The following DGKB variants were observed in gnomAD, a reference collection of about 807,000 sequenced individuals.
DGKB encodes the protein 90 kDa diacylglycerol kinase.
DGKB carries 67 observed loss-of-function variants against 114.3 expected under a neutral mutation model. That is an observed-to-expected ratio of 0.59 (90% CI 0.48 to 0.72). The LOEUF (loss-of-function observed/expected upper bound fraction) is 0.72. Among genes scored for constraint, DGKB ranks in the 30% least tolerant of loss-of-function variants. The pLI is 0.00. For synonymous variants in DGKB, 398 were observed against 323.1 expected (o/e 1.23, Z -2.49); for missense variants, 907 against 975.2 (o/e 0.93, Z 0.93).
At chr7:14,915,715 G>A (rs569406433) in intron 1 of DGKB, among the ~76,000 whole-genome samples, 9 of 152,214 alleles carry the variant, frequency 5.9e-5, no homozygotes, top group African/African-American at 1.9e-4. Context: ...TCTATATCCA[G>A]TAAAATTATC....
intron 21 of DGKB, among the ~76,000 whole-genome samples, chr7:14,428,519 G>A (rs1410820333): frequency 2.6e-5 from 4 of 152,000 alleles, no homozygotes; most frequent in East Asian, 1.9e-4. Context: ...TTTTCTTGTT[G>A]CTTTTCTCAG....
At chr7:14,295,316 A>C (rs1584983873) in intron 23 of DGKB, among the ~76,000 whole-genome samples, 1 of 152,284 alleles carries the variant, frequency 6.6e-6, no homozygotes, top group African/African-American at 2.4e-5. Context: ...TTCAATCTCA[A>C]ATAAATGTTT....
chr7:14,695,946 AT>A (rs1289161079), intron 8 of DGKB, among the ~76,000 whole-genome samples: 1 of 152,160 alleles, frequency 6.6e-6, no homozygotes. Context: ...ACTTTGTACC[AT>A]TTCAGCTCCC....
At chr7:14,696,412 G>C (rs1472654039) in intron 8 of DGKB, among the ~76,000 whole-genome samples, 1 of 149,228 alleles carries the variant, frequency 6.7e-6, no homozygotes, top group African/African-American at 2.4e-5. Context: ...GGAGAATGGA[G>C]TGAACCCGGG....
At chr7:14,670,398 G>A (rs902189597) in intron 13 of DGKB, among the ~76,000 whole-genome samples, 1 of 151,806 alleles carries the variant, frequency 6.6e-6, no homozygotes, top group Admixed American at 6.6e-5. Context: ...CGCCTCCAGG[G>A]TTCAAGCGAT....
intron 21 of DGKB, among the ~76,000 whole-genome samples, chr7:14,470,678 A>G (rs1160705984): frequency 1.3e-5 from 2 of 151,840 alleles, no homozygotes; most frequent in Non-Finnish European, 3.0e-5. Flanking sequence ...TCTATTTGCT[A>G]TGTCATACCT....
chr7:14,764,383 A>G (rs548228811), intron 2 of DGKB, among the ~76,000 whole-genome samples: 1 of 151,958 alleles, frequency 6.6e-6, no homozygotes, highest in African/African-American at 2.4e-5. Context: ...TACATTTCAT[A>G]AAGTTTCCCT....
chr7:14,890,453 T>C (rs1015101642), intron 1 of DGKB, among the ~76,000 whole-genome samples: 1 of 151,458 alleles, frequency 6.6e-6, no homozygotes, highest in Non-Finnish European at 1.5e-5. Context: ...AGATAATATT[T>C]ACTTCCATGG....
chr7:14,296,493 G>A (rs755138247), intron 23 of DGKB, among the ~76,000 whole-genome samples: 2 of 152,130 alleles, frequency 1.3e-5, no homozygotes, highest in Admixed American at 6.6e-5. Context: ...ATAGTAGAAC[G>A]ATTTATAATC....
At chr7:14,488,029 A>T (rs990577353) in intron 20 of DGKB, among the ~76,000 whole-genome samples, 1 of 152,190 alleles carries the variant, frequency 6.6e-6, no homozygotes, top group Non-Finnish European at 1.5e-5. Context: ...GCAAATGTAC[A>T]AATGATTACT....
At chr7:14,731,407 T>A (rs1382414048) in intron 5 of DGKB, among the ~76,000 whole-genome samples, 1 of 152,096 alleles carries the variant, frequency 6.6e-6, no homozygotes, top group African/African-American at 2.4e-5. Flanking sequence ...AAAAAAGTCA[T>A]GTGTTGAAAT....
rs1317491866 is a variant in DGKB at position 14,784,159 on chromosome 7, T to TA, written c.71-26429dup. ...TTATGATATATATTGCCTTTTTTTTTACTACAATCTACTGATGTATCCTTT... is the reference window on the plus strand; with the variant it reads ...TTATGATATATATTGCCTTTTTTTTTAACTACAATCTACTGATGTATCCTTT... On this transcript the variant is annotated intron_variant, in intron 2 of 25. Transcript: ENST00000402815. 9.2e-5 allele frequency among the ~76,000 whole-genome samples: 14 copies of TA among 152,234 alleles called. No homozygotes were observed. In the East Asian group the frequency reaches 2.1e-3, roughly 23 times the overall value.
rs149293787 is a variant in DGKB, at chr7:14,798,185, G to C, written c.71-40454C>G. Among the ~76,000 whole-genome samples, 9 of 152,286 alleles carry C rather than the reference G, an allele frequency of 5.9e-5. No individual in the cohort carries two copies. In the East Asian group the frequency reaches 9.6e-4, roughly 16 times the overall value. ...GATGGGGATGGAAGTTCTCACTCTG[G>C]TCTTGGACTCTATCCGGAACTGTCA... On this transcript the variant is annotated intron_variant, in intron 2 of 25. Transcript: ENST00000402815.
At chr7:14,696,465 G>A (rs1182748226) in intron 8 of DGKB, among the ~76,000 whole-genome samples, 2 of 124,972 alleles carry the variant, frequency 1.6e-5, no homozygotes, top group Non-Finnish European at 3.2e-5. Flanking sequence ...ACTGCAGTCC[G>A]CAGTCCGGCC....
intron 20 of DGKB, among the ~76,000 whole-genome samples, chr7:14,569,231 C>T (rs1330970086): frequency 6.6e-6 from 1 of 152,062 alleles, no homozygotes; most frequent in Non-Finnish European, 1.5e-5. Context: ...GGAGGAATGC[C>T]TCCTCTCTTT....
intron 21 of DGKB, among the ~76,000 whole-genome samples, chr7:14,405,805 C>T (rs1359744315): frequency 6.6e-6 from 1 of 151,854 alleles, no homozygotes; most frequent in Non-Finnish European, 1.5e-5. Context: ...AAGGAGCTCT[C>T]CATGCAAAAA....
chr7:14,610,633 A>C (rs1485707874), intron 16 of DGKB, among the ~76,000 whole-genome samples: 1 of 152,076 alleles, frequency 6.6e-6, no homozygotes, highest in African/African-American at 2.4e-5. Context: ...CTCCAAATTC[A>C]GTATGTAATA....
intron 20 of DGKB, among the ~76,000 whole-genome samples, chr7:14,519,415 T>A (rs889019904): frequency 6.6e-6 from 1 of 152,230 alleles, no homozygotes; most frequent in East Asian, 1.9e-4. Context: ...TTATAGCACA[T>A]AGCAATATTT....
chr7:14,780,654 T>A (rs929317584), intron 2 of DGKB, among the ~76,000 whole-genome samples: 6 of 152,166 alleles, frequency 3.9e-5, no homozygotes, highest in Admixed American at 3.9e-4. Flanking sequence ...ACTGCTTATG[T>A]GCCTTTCTTT....
Sources: gnomAD v4.1 joint callset for allele counts (sites outside exome capture counted in the v4.1 genomes callset) on GRCh38, gnomAD v4.1.1 for gene constraint, MANE v1.5 for transcripts, NCBI Gene and HGNC (gene_info 2026-07-23, HGNC 2026-07-21) for gene names.